Variants in LARP4B observed in about 807,000 individuals in gnomAD.
LARP4B encodes la-related protein 4B.
A neutral mutation model predicts 89.8 loss-of-function variants in LARP4B; 12 were observed. The observed-to-expected ratio is 0.13, with a 90% confidence interval of 0.09 to 0.22. The LOEUF is 0.22. LARP4B is among the 10% of genes least tolerant of loss of function. The pLI is 1.00. For missense variants in LARP4B, 757 were observed against 947.7 expected (o/e 0.80, Z 2.64); for synonymous variants, 367 against 363.3 (o/e 1.01, Z -0.12).
At chr10:929,922 A>C (rs1588999280) in intron 1 of LARP4B, among the ~76,000 whole-genome samples, 1 of 152,214 alleles carries the variant, frequency 6.6e-6, no homozygotes, top group African/African-American at 2.4e-5. Flanking sequence ...AACGCATTTC[A>C]CTTAGCAAAC....
downstream of LARP4B, chr10:807,751 AT>A (rs1564370153): frequency 6.6e-6 from 1 of 152,298 alleles, no homozygotes; most frequent in East Asian, 1.9e-4. Context: ...CTGGGCTGAC[AT>A]AAGTTCCATA....
intron 1 of LARP4B, among the ~76,000 whole-genome samples, chr10:930,953 C>G (rs889371459): frequency 2.7e-5 from 4 of 150,314 alleles, no homozygotes; most frequent in Non-Finnish European, 3.0e-5. Context: ...GGGGCGCTCG[C>G]GGCCCGCGAC....
the LARP4B span, among the ~76,000 whole-genome samples, chr10:939,384 A>G: frequency 6.6e-6 from 1 of 151,932 alleles, no homozygotes; most frequent in East Asian, 1.9e-4. Context: ...GAGATGAGAA[A>G]CTCTGCTGTG....
At chr10:908,493 A>G (rs1171920535) in intron 1 of LARP4B, among the ~76,000 whole-genome samples, 1 of 152,172 alleles carries the variant, frequency 6.6e-6, no homozygotes, top group African/African-American at 2.4e-5. Context: ...GTGGCGTGGG[A>G]GTGGCATCAG....
At chr10:889,315 C>G (rs1835949233) in intron 1 of LARP4B, among the ~76,000 whole-genome samples, 1 of 152,090 alleles carries the variant, frequency 6.6e-6, no homozygotes, top group Non-Finnish European at 1.5e-5. Flanking sequence ...CCCAGCAGCT[C>G]AAGGAGCAAG....
intron 5 of LARP4B, among the ~76,000 whole-genome samples, chr10:854,038 T>C (rs1355176520): frequency 6.6e-6 from 1 of 152,266 alleles, no homozygotes; most frequent in African/African-American, 2.4e-5. Flanking sequence ...ATTTCAACAA[T>C]ATTCACAGCG....
chr10:929,602 G>A (rs1428003918), intron 1 of LARP4B, among the ~76,000 whole-genome samples: 1 of 151,894 alleles, frequency 6.6e-6, no homozygotes. Flanking sequence ...CAACTCGGGG[G>A]GGGAAGAAAA....
At chr10:843,570 G>A (rs984271852) in intron 6 of LARP4B, among the ~76,000 whole-genome samples, 3 of 152,012 alleles carry the variant, frequency 2.0e-5, no homozygotes, top group African/African-American at 7.3e-5. Flanking sequence ...ATGGTGGCGG[G>A]CACCTGTAAT....
intron 1 of LARP4B, among the ~76,000 whole-genome samples, chr10:904,558 CAAAATA>C (rs548560806): frequency 5.3e-4 from 80 of 149,670 alleles, no homozygotes; most frequent in Admixed American, 7.3e-4. Flanking sequence ...AAGACTGTCT[CAAAATA>C]AAAATAAAAA....
intron 5 of LARP4B, among the ~76,000 whole-genome samples, chr10:857,124 G>C (rs1403562506): frequency 6.6e-6 from 1 of 152,006 alleles, no homozygotes; most frequent in Admixed American, 6.6e-5. Context: ...AAAGTTACAA[G>C]GCATACACAA....
chr10:883,844 A>G (rs1156802208), intron 3 of LARP4B, among the ~76,000 whole-genome samples: 1 of 150,034 alleles, frequency 6.7e-6, no homozygotes, highest in Non-Finnish European at 1.5e-5. Flanking sequence ...ATGGGGGGGG[A>G]ATAGATGAGA....
At chr10:825,358 T>C in intron 12 of LARP4B, 42 bp from the exon 13 acceptor site, 1 of 1,593,530 alleles carries the variant, frequency 6.3e-7, no homozygotes, top group Non-Finnish European at 8.6e-7. Flanking sequence ...TATAAAATGA[T>C]CAAGGCATTA....
upstream of LARP4B, among the ~76,000 whole-genome samples, chr10:934,599 ATCT>A (rs1296968110): frequency 6.6e-6 from 1 of 151,918 alleles, no homozygotes; most frequent in African/African-American, 2.4e-5. Flanking sequence ...TTCCCTCATG[ATCT>A]TCTTTTTTTC....
At chr10:948,830 A>T in the LARP4B span, among the ~76,000 whole-genome samples, 158 of 152,326 alleles carry the variant, frequency 1.0e-3, 1 homozygote, top group East Asian at 0.027. Context: ...GTGTGCCCAT[A>T]GCTCGTTCCT....
chr10:862,931 C>G (rs1834700164), intron 5 of LARP4B, among the ~76,000 whole-genome samples: 1 of 152,196 alleles, frequency 6.6e-6, no homozygotes, highest in African/African-American at 2.4e-5. Context: ...GAGATTCTAT[C>G]CAGATGGTCT....
chr10:807,276 G>A (rs534685656), downstream of LARP4B: 2 of 152,366 alleles, frequency 1.3e-5, no homozygotes, highest in African/African-American at 4.8e-5. Context: ...ACTTGTAAGC[G>A]CCCCACATTT....
chr10:936,240 G>A (rs767698519), upstream of LARP4B, among the ~76,000 whole-genome samples: 4 of 152,092 alleles, frequency 2.6e-5, no homozygotes, highest in Admixed American at 6.6e-5. Flanking sequence ...AGCAGGTAAC[G>A]AGGGATGGAG....
At chr10:896,854 A>T (rs943209895) in intron 1 of LARP4B, among the ~76,000 whole-genome samples, 2 of 152,218 alleles carry the variant, frequency 1.3e-5, no homozygotes, top group South Asian at 4.1e-4. Flanking sequence ...GGATGGAAAG[A>T]CATCCATGTT....
At chr10:869,368 A>G (rs1835078557) in intron 3 of LARP4B, among the ~76,000 whole-genome samples, 1 of 152,218 alleles carries the variant, frequency 6.6e-6, no homozygotes, top group Admixed American at 6.5e-5. Flanking sequence ...CCAGGAAGAC[A>G]GAAGAGCTGG....
Sources: allele counts gnomAD v4.1 joint callset (sites outside exome capture counted in the v4.1 genomes callset), GRCh38; gene constraint gnomAD v4.1.1; transcripts MANE v1.5; gene names NCBI Gene and HGNC (gene_info 2026-07-23, HGNC 2026-07-21).